Variants in PDE10A observed in about 807,000 individuals in gnomAD.
The protein encoded by PDE10A is phosphodiesterase 10A.
In PDE10A, 39 loss-of-function variants were observed where a neutral mutation model predicts 97.7. The observed-to-expected ratio is 0.40, with a 90% CI of 0.31 to 0.52. The LOEUF is 0.52. PDE10A is among the 20% of genes least tolerant of loss of function. The pLI, the probability that PDE10A is intolerant of heterozygous loss-of-function variation, is 0.56. For missense variants in PDE10A, 731 were observed against 1,047.8 expected (o/e 0.70, Z 4.17); for synonymous variants, 371 against 376.8 (o/e 0.98, Z 0.18).
At chr6:165,597,562 C>A (rs2128391506) in intron 1 of PDE10A, among the ~76,000 whole-genome samples, 1 of 152,178 alleles carries the variant, frequency 6.6e-6, no homozygotes, top group Non-Finnish European at 1.5e-5. Flanking sequence ...TTAATGCGAC[C>A]AATAAATAGA....
intron 1 of PDE10A, among the ~76,000 whole-genome samples, chr6:165,808,213 G>A (rs1779189053): frequency 6.6e-6 from 1 of 152,186 alleles, no homozygotes; most frequent in Admixed American, 6.5e-5. Flanking sequence ...AATTTGCTGA[G>A]GGTCAGTCCT....
At chr6:165,977,312 C>G (rs772767011) in intron 1 of PDE10A, among the ~76,000 whole-genome samples, 1 of 152,202 alleles carries the variant, frequency 6.6e-6, no homozygotes, top group Non-Finnish European at 1.5e-5. Context: ...AGAGATTTCT[C>G]AATCTGGTAA....
At chr6:165,923,063 A>G (rs1204657899) in intron 1 of PDE10A, among the ~76,000 whole-genome samples, 1 of 152,316 alleles carries the variant, frequency 6.6e-6, no homozygotes, top group East Asian at 1.9e-4. Flanking sequence ...CTATTAACAA[A>G]GCACTCTAAG....
At chr6:165,799,794 C>T (rs1008869871) in intron 1 of PDE10A, among the ~76,000 whole-genome samples, 1 of 152,158 alleles carries the variant, frequency 6.6e-6, no homozygotes, top group African/African-American at 2.4e-5. Context: ...TCATTCTTAC[C>T]AAGTGGACCA....
chr6:165,751,441 C>T (rs528996922), intron 1 of PDE10A, among the ~76,000 whole-genome samples: 1 of 152,300 alleles, frequency 6.6e-6, no homozygotes, highest in Admixed American at 6.5e-5. Flanking sequence ...TGAGATGAGG[C>T]CATGAAGGAC....
At chr6:165,752,029 G>C (rs2128456210) in intron 1 of PDE10A, among the ~76,000 whole-genome samples, 1 of 149,790 alleles carries the variant, frequency 6.7e-6, no homozygotes, top group East Asian at 2.0e-4. Flanking sequence ...TATAGTCCCA[G>C]CTACTCAGGA....
chr6:165,936,965 G>A (rs1438092372), intron 1 of PDE10A, among the ~76,000 whole-genome samples: 2 of 152,230 alleles, frequency 1.3e-5, no homozygotes, highest in African/African-American at 4.8e-5. Flanking sequence ...TTTGCTTAGG[G>A]TTAAATGCAG....
At chr6:165,573,892 G>A (rs534683619) in intron 1 of PDE10A, among the ~76,000 whole-genome samples, 1 of 152,338 alleles carries the variant, frequency 6.6e-6, no homozygotes, top group South Asian at 2.1e-4. Flanking sequence ...AAGACTGTGT[G>A]CGTCAGCCGG....
At chr6:165,664,006 G>A (rs1194092323), upstream of PDE10A, among the ~76,000 whole-genome samples, 1 of 152,206 alleles carries the variant, frequency 6.6e-6, no homozygotes, top group Non-Finnish European at 1.5e-5. Context: ...GGGCAGGCAC[G>A]CGCGGCGGGG....
chr6:165,523,850 G>C (rs601955), intron 2 of PDE10A, among the ~76,000 whole-genome samples: 89,580 of 152,070 alleles, frequency 0.59, 29,294 homozygotes, highest in Non-Finnish European at 0.73. Context: ...GTGTCAACTT[G>C]ATTGAAGGTA....
chr6:165,641,258 GAC>G (rs1226623171), intron 1 of PDE10A, among the ~76,000 whole-genome samples: 2 of 151,976 alleles, frequency 1.3e-5, no homozygotes, highest in Non-Finnish European at 2.9e-5. Flanking sequence ...TCTTTAGAAA[GAC>G]AAATAAAAAT....
chr6:165,794,180 C>A (rs1778750786), intron 1 of PDE10A, among the ~76,000 whole-genome samples: 1 of 150,492 alleles, frequency 6.6e-6, no homozygotes, highest in Admixed American at 6.6e-5. Context: ...ACACTCCCTC[C>A]CACACTCACG....
At chr6:165,521,430 C>T (rs1287490184) in intron 2 of PDE10A, among the ~76,000 whole-genome samples, 1 of 152,164 alleles carries the variant, frequency 6.6e-6, no homozygotes, top group Non-Finnish European at 1.5e-5. Flanking sequence ...GAAGGCACGT[C>T]AAAAGCTGGG....
chr6:165,941,587 G>A (rs1783520932), intron 1 of PDE10A, among the ~76,000 whole-genome samples: 1 of 152,232 alleles, frequency 6.6e-6, no homozygotes, highest in East Asian at 1.9e-4. Flanking sequence ...TCCTGATAGA[G>A]TTCTCACGAG....
intron 1 of PDE10A, among the ~76,000 whole-genome samples, chr6:165,773,759 G>GA (rs1434707537): frequency 7.2e-5 from 11 of 151,974 alleles, no homozygotes; most frequent in Admixed American, 5.9e-4. Context: ...GATGAAAGGG[G>GA]AAAAAAATGG....
At chr6:165,478,415 GT>G (rs1379943964) in intron 3 of PDE10A, among the ~76,000 whole-genome samples, 1 of 152,112 alleles carries the variant, frequency 6.6e-6, no homozygotes, top group Non-Finnish European at 1.5e-5. Context: ...GGGGGAGGGG[GT>G]TGGACATGTC....
Position 165,855,677 on chromosome 6 carries a change from T to C in PDE10A, c.-615+131852A>G, listed in dbSNP as rs371693780. Among the ~76,000 whole-genome samples, 6 of 152,166 alleles carry C rather than the reference T, an allele frequency of 3.9e-5. No individual in the cohort carries two copies. In the South Asian group the frequency reaches 1.2e-3, roughly 32 times the overall value. Reference sequence around the variant, plus strand: ...AGCTTCCCAGTTCCAAGGATAAAAGTTGGCAATGAATCCCTTAAGTGGTGG... The same window carrying C: ...AGCTTCCCAGTTCCAAGGATAAAAGCTGGCAATGAATCCCTTAAGTGGTGG... On this transcript the variant is annotated intron_variant, in intron 1 of 19. Transcript: ENST00000366882.
At chr6:165,425,448 C>T (rs937555560) in intron 10 of PDE10A, among the ~76,000 whole-genome samples, 4 of 151,886 alleles carry the variant, frequency 2.6e-5, no homozygotes, top group Admixed American at 6.6e-5. Context: ...ACCATATGAT[C>T]ATCTACACTG....
chr6:165,802,990 T>G, intron 1 of PDE10A, among the ~76,000 whole-genome samples: 1 of 152,212 alleles, frequency 6.6e-6, no homozygotes, highest in Non-Finnish European at 1.5e-5. Flanking sequence ...AGTTCCCAGA[T>G]GTCAGGGCTT....
Sources: gnomAD v4.1 joint callset for allele counts (sites outside exome capture counted in the v4.1 genomes callset) on GRCh38, gnomAD v4.1.1 for gene constraint, MANE v1.5 for transcripts, NCBI Gene and HGNC (gene_info 2026-07-23, HGNC 2026-07-21) for gene names.